WSCD2: variants seen among roughly 807,000 people sequenced by gnomAD.
WSCD2 encodes WSC domain sialate O sulfotransferase 2.
A neutral mutation model predicts 55.7 loss-of-function variants in WSCD2; 28 were observed. The observed-to-expected ratio is 0.50, with a 90% CI of 0.37 to 0.69. The LOEUF (loss-of-function observed/expected upper bound fraction) is 0.69. Among genes scored for constraint, WSCD2 ranks in the 30% least tolerant of loss-of-function variants. The pLI, the probability that WSCD2 is intolerant of heterozygous loss-of-function variation, is 0.00. For missense variants in WSCD2, 616 were observed against 762.1 expected (o/e 0.81, Z 2.26); for synonymous variants, 301 against 301.9 (o/e 1.00, Z 0.03).
chr12:108,185,341 T>A (rs1318878140), intron 1 of WSCD2, among the ~76,000 whole-genome samples: 1 of 152,164 alleles, frequency 6.6e-6, no homozygotes, highest in Non-Finnish European at 1.5e-5. Flanking sequence ...TAGGCCCTTG[T>A]GGGATGGACC....
Position 108,232,747 on chromosome 12 carries a change from C to A in WSCD2, c.996C>A (p.Asp332Glu). ...CCTTTTCAGACAACCGTTGCATGGA[C>A]AGAAGGTTCCTGCCAGGCAAGTCCA... ...QTQVQDNRCM[D>E]RRFLPGKSKQ... Residue 332 changes from aspartate to glutamate, a missense_variant, in exon 7 of 9, where the codon GAC becomes GAA. Asp to Glu is a conservative substitution (Grantham distance 45). Transcript: ENST00000547525. 1 of 1,612,872 alleles carries A rather than the reference C, an allele frequency of 6.2e-7. No homozygotes were observed.
At chr12:108,239,735 G>A (rs1426373) in intron 7 of WSCD2, among the ~76,000 whole-genome samples, 107,410 of 151,982 alleles carry the variant, frequency 0.71, 38,143 homozygotes, top group Non-Finnish European at 0.74. Flanking sequence ...TTTGTCAAGA[G>A]ACAGGGTCTC....
At chr12:108,155,961 C>T (rs528503294) in intron 1 of WSCD2, among the ~76,000 whole-genome samples, 7 of 152,258 alleles carry the variant, frequency 4.6e-5, no homozygotes, top group South Asian at 2.1e-4. Flanking sequence ...AAATATACAT[C>T]GACACCACCC....
intron 1 of WSCD2, among the ~76,000 whole-genome samples, chr12:108,187,726 C>G (rs1882683506): frequency 6.6e-6 from 1 of 152,190 alleles, no homozygotes; most frequent in South Asian, 2.1e-4. Flanking sequence ...TCATTTAACC[C>G]TCCTACCTTT....
intron 1 of WSCD2, among the ~76,000 whole-genome samples, chr12:108,165,683 A>G (rs186147620): frequency 6.6e-6 from 1 of 152,322 alleles, no homozygotes; most frequent in East Asian, 1.9e-4. Flanking sequence ...TCCCAAACTT[A>G]AATAATCAGC....
intron 1 of WSCD2, among the ~76,000 whole-genome samples, chr12:108,167,780 C>A (rs970344139): frequency 1.3e-5 from 2 of 152,338 alleles, no homozygotes; most frequent in Non-Finnish European, 2.9e-5. Flanking sequence ...GATTAGAATA[C>A]CTGCTTGTTT....
At chr12:108,156,039 AT>A (rs1878477082) in intron 1 of WSCD2, among the ~76,000 whole-genome samples, 1 of 152,264 alleles carries the variant, frequency 6.6e-6, no homozygotes, top group South Asian at 2.1e-4. Flanking sequence ...CAAATGTAAT[AT>A]TTTGAAAGTG....
chr12:108,231,147 A>G (rs1021961156), intron 6 of WSCD2, among the ~76,000 whole-genome samples: 1 of 152,060 alleles, frequency 6.6e-6, no homozygotes, highest in South Asian at 2.1e-4. Flanking sequence ...AGAGGGAGAG[A>G]TGGAGGTGAG....
intron 1 of WSCD2, among the ~76,000 whole-genome samples, chr12:108,143,879 G>A (rs540474542): frequency 1.3e-5 from 2 of 152,234 alleles, no homozygotes; most frequent in South Asian, 4.2e-4. Context: ...GGATGCAGGG[G>A]GGCGGTCACA....
At chr12:108,148,156 A>G (rs563453722) in intron 1 of WSCD2, among the ~76,000 whole-genome samples, 2 of 152,280 alleles carry the variant, frequency 1.3e-5, no homozygotes, top group South Asian at 2.1e-4. Flanking sequence ...CGACCTGTGC[A>G]TTGTAGGATG....
At chr12:108,224,962 T>A (rs1887919058) in intron 5 of WSCD2, 102 bp downstream of exon 5, 1 of 1,498,118 alleles carries the variant, frequency 6.7e-7, no homozygotes, top group Admixed American at 2.1e-5. Flanking sequence ...TCAGTCGGGA[T>A]AGATGTAGTC....
intron 1 of WSCD2, among the ~76,000 whole-genome samples, chr12:108,157,208 AGCAAAG>A (rs1229523674): frequency 2.6e-5 from 4 of 152,256 alleles, no homozygotes; most frequent in Non-Finnish European, 5.9e-5. Flanking sequence ...AAAATTGAGT[AGCAAAG>A]TACAGAGAGT....
At chr12:108,194,845 G>C (rs936061317) in intron 1 of WSCD2, among the ~76,000 whole-genome samples, 3 of 151,874 alleles carry the variant, frequency 2.0e-5, no homozygotes, top group African/African-American at 7.3e-5. Context: ...TGTTTGTTGG[G>C]AAAAAAAATG....
chr12:108,240,566 G>C (rs1175649469), intron 8 of WSCD2, 22 bp downstream of exon 8: 1 of 1,505,562 alleles, frequency 6.6e-7, no homozygotes, highest in East Asian at 2.3e-5. Context: ...GAGAGGAGGG[G>C]AGGGGAGGGG....
intron 4 of WSCD2, among the ~76,000 whole-genome samples, chr12:108,220,173 A>T (rs1887325384): frequency 6.6e-6 from 1 of 152,118 alleles, no homozygotes; most frequent in South Asian, 2.1e-4. Context: ...TGTCAGCTGT[A>T]TGGCCTTGGG....
At chr12:108,225,149 C>T (rs1887940751) in intron 5 of WSCD2, among the ~76,000 whole-genome samples, 1 of 152,134 alleles carries the variant, frequency 6.6e-6, no homozygotes, top group African/African-American at 2.4e-5. Context: ...GAAGAAATAT[C>T]CCAGATTGGG....
chr12:108,175,131 T>C (rs760952572), intron 1 of WSCD2, among the ~76,000 whole-genome samples: 3 of 152,136 alleles, frequency 2.0e-5, no homozygotes, highest in Non-Finnish European at 4.4e-5. Context: ...CAAAGAGACA[T>C]TTGGCAATGT....
At chr12:108,196,731 A>G (rs1883973826) in intron 2 of WSCD2, among the ~76,000 whole-genome samples, 1 of 152,228 alleles carries the variant, frequency 6.6e-6, no homozygotes, top group South Asian at 2.1e-4. Flanking sequence ...CTCTCAGTCC[A>G]TCTTGCTGGG....
intron 1 of WSCD2, among the ~76,000 whole-genome samples, chr12:108,169,793 G>A (rs1034320408): frequency 9.2e-5 from 14 of 152,212 alleles, no homozygotes; most frequent in African/African-American, 2.9e-4. Context: ...CCCTGGGTGA[G>A]AGGAAAGGTA....
Sources: gnomAD v4.1 joint callset for allele counts (sites outside exome capture counted in the v4.1 genomes callset) on GRCh38, gnomAD v4.1.1 for gene constraint, MANE v1.5 for transcripts, NCBI Gene and HGNC (gene_info 2026-07-23, HGNC 2026-07-21) for gene names.